Variants in PTGFRN observed in about 807,000 individuals in gnomAD.
PTGFRN encodes prostaglandin F2 receptor inhibitor, also known as prostaglandin F2 receptor negative regulator.
PTGFRN carries 35 observed loss-of-function variants against 83.2 expected under a neutral mutation model. The observed-to-expected ratio is 0.42, with a 90% confidence interval of 0.32 to 0.56. PTGFRN has a LOEUF of 0.56. Among genes scored for constraint, PTGFRN ranks in the 20% least tolerant of loss-of-function variants. The pLI is 0.11. For missense variants in PTGFRN, 1,051 were observed against 1,179.5 expected (o/e 0.89, Z 1.60); for synonymous variants, 519 against 498.6 (o/e 1.04, Z -0.55).
chr1:116,939,049 G>C (rs569309900), intron 1 of PTGFRN, among the ~76,000 whole-genome samples: 1 of 152,352 alleles, frequency 6.6e-6, no homozygotes, highest in East Asian at 1.9e-4. Context: ...CGCCCCTGAG[G>C]CTTTGCAGGG....
chr1:116,974,479 T>G (rs564165927), intron 7 of PTGFRN, 156 bp downstream of exon 7: 72 of 528,984 alleles, frequency 1.4e-4, no homozygotes, highest in African/African-American at 1.2e-3. Context: ...AAGTGTTTAA[T>G]AAATACATGT....
At chr1:116,950,525 G>A (rs1650316568) in intron 4 of PTGFRN, among the ~76,000 whole-genome samples, 1 of 152,112 alleles carries the variant, frequency 6.6e-6, no homozygotes, top group African/African-American at 2.4e-5. Flanking sequence ...ATCTTTAAAG[G>A]CCAGGAAACC....
chr1:116,914,371 T>C (rs910806285), intron 1 of PTGFRN, among the ~76,000 whole-genome samples: 6 of 152,248 alleles, frequency 3.9e-5, no homozygotes, highest in Non-Finnish European at 8.8e-5. Context: ...GGAAGCCATG[T>C]GCCAGCTACT....
intron 1 of PTGFRN, among the ~76,000 whole-genome samples, chr1:116,915,939 C>G (rs1042306494): frequency 3.9e-5 from 6 of 152,206 alleles, no homozygotes; most frequent in African/African-American, 1.4e-4. Flanking sequence ...CTGCAGTTGG[C>G]ACAGTCAGTG....
intron 1 of PTGFRN, among the ~76,000 whole-genome samples, chr1:116,937,034 G>T (rs1649938763): frequency 6.6e-6 from 1 of 152,232 alleles, no homozygotes; most frequent in African/African-American, 2.4e-5. Context: ...CCACTTTAGG[G>T]TGCTCAGGAA....
intron 5 of PTGFRN, 35 bp from the exon 6 acceptor site, chr1:116,966,876 G>A: frequency 6.5e-7 from 1 of 1,544,188 alleles, no homozygotes; most frequent in Non-Finnish European, 8.7e-7. Context: ...AACTGATCTT[G>A]TTGGAAATCA....
At chr1:116,984,182 C>T (rs889443671) in intron 7 of PTGFRN, among the ~76,000 whole-genome samples, 1 of 152,148 alleles carries the variant, frequency 6.6e-6, no homozygotes, top group Non-Finnish European at 1.5e-5. Flanking sequence ...AAATTTGGTG[C>T]AATTCATTTT....
chr1:116,910,315 G>A, intron 1 of PTGFRN, 63 bp downstream of exon 1: 1 of 1,249,560 alleles, frequency 8.0e-7, no homozygotes, highest in Non-Finnish European at 1.0e-6. Context: ...GGGCTCGGCG[G>A]GGCGCGGCTG....
At chr1:116,935,523 A>ATAG (rs1197090448) in intron 1 of PTGFRN, among the ~76,000 whole-genome samples, 1 of 152,048 alleles carries the variant, frequency 6.6e-6, no homozygotes, top group Non-Finnish European at 1.5e-5. Context: ...GATATTAGCT[A>ATAG]CTCTATGATA....
chr1:116,957,094 C>T (rs1650519981), intron 4 of PTGFRN, among the ~76,000 whole-genome samples: 1 of 142,996 alleles, frequency 7.0e-6, no homozygotes, highest in Non-Finnish European at 1.5e-5. Flanking sequence ...GTGTTTGGAA[C>T]AAGGTTTTAA....
chr1:116,911,075 A>C (rs552689501), intron 1 of PTGFRN, among the ~76,000 whole-genome samples: 2 of 133,434 alleles, frequency 1.5e-5, no homozygotes, highest in African/African-American at 2.9e-5. Flanking sequence ...TTTTCCATTC[A>C]CTCCATACAC....
rs113563805 is a variant in PTGFRN, at chr1:116,982,784, G to T, written c.2168-1896G>T. Among the ~76,000 whole-genome samples the T allele has an allele frequency of 5.1e-3, 776 of 152,316 alleles. 9 individuals are homozygous for T. The highest frequency in any genetic ancestry group is 0.018 in the African/African-American group (749 of 41,568). ...TCTGTCCCTTCACTAGTCAGTCATTGTCCACAGGCTGAGTGGCAAAGAAGC... is the reference window on the plus strand; with the variant it reads ...TCTGTCCCTTCACTAGTCAGTCATTTTCCACAGGCTGAGTGGCAAAGAAGC... On this transcript the variant is annotated intron_variant, in intron 7 of 8. Coordinates refer to ENST00000393203, the MANE Select transcript of PTGFRN (RefSeq NM_020440.4).
rs895194783 is a variant in PTGFRN at position 116,988,199 on chromosome 1, T to TC, written c.*1232_*1233insC. The TC allele has an allele frequency of 1.3e-5, 2 of 152,304 alleles. No homozygotes were observed. Among genetic ancestry groups the TC allele is most frequent in the African/African-American group, 4.8e-5 (2 of 41,560 alleles). The allele number at this position is 152,304 out of a possible 1,614,324, so 9.4% of individuals were successfully genotyped here. ...ACTGCAGGGGGTTAGTGAGAAAGGG[T>TC]ATACTTTGTGGTATGTTTTGCTTTC... On this transcript the variant is annotated 3_prime_UTR_variant, in exon 9 of 9. Transcript: ENST00000393203.
chr1:116,959,319 T>A (rs1056025810), intron 4 of PTGFRN, among the ~76,000 whole-genome samples: 1 of 152,196 alleles, frequency 6.6e-6, no homozygotes, highest in African/African-American at 2.4e-5. Flanking sequence ...CCACAGCCTG[T>A]GGATTTCTCT....
chr1:116,981,034 A>T (rs1017785003), intron 7 of PTGFRN, among the ~76,000 whole-genome samples: 1 of 152,200 alleles, frequency 6.6e-6, no homozygotes, highest in African/African-American at 2.4e-5. Context: ...GGAAATCATT[A>T]TAAATTTTTT....
At chr1:116,960,992 G>A (rs985380586) in intron 4 of PTGFRN, among the ~76,000 whole-genome samples, 4 of 152,138 alleles carry the variant, frequency 2.6e-5, no homozygotes, top group Middle Eastern at 3.2e-3. Context: ...GATTCTGGCC[G>A]AGGACATTGG....
chr1:116,942,904 A>G (rs1570656503), intron 2 of PTGFRN, among the ~76,000 whole-genome samples: 2 of 152,384 alleles, frequency 1.3e-5, no homozygotes, highest in Non-Finnish European at 2.9e-5. Flanking sequence ...GGAAGAGCAT[A>G]GGTTAATTAC....
At position 116,989,553 on chromosome 1, in the gene PTGFRN, T is replaced by C. The variant is rs541370051; in HGVS notation, c.*2586T>C. 1 of 152,702 alleles carries C rather than the reference T, an allele frequency of 6.5e-6. No individual in the cohort carries two copies. The highest frequency in any genetic ancestry group is 2.1e-4 in the South Asian group (1 of 4,824). The allele number at this position is 152,702 out of a possible 1,614,324, so 9.5% of individuals were successfully genotyped here. On this transcript the variant is annotated 3_prime_UTR_variant, in exon 9 of 9. Transcript: ENST00000393203. The stretch of plus-strand genomic sequence containing the variant: ...CCAGCCGCGTCTCACACAGGTGGAA[T>C]TGCACTTCTTAACAAAAAGGAACTT...
chr1:116,950,770 C>T (rs528992103), intron 4 of PTGFRN, among the ~76,000 whole-genome samples: 5 of 152,008 alleles, frequency 3.3e-5, no homozygotes, highest in Non-Finnish European at 5.9e-5. Flanking sequence ...CCGATGGAGA[C>T]GAGGCAGGGT....
Sources: gnomAD v4.1 joint callset for allele counts (sites outside exome capture counted in the v4.1 genomes callset) on GRCh38, gnomAD v4.1.1 for gene constraint, MANE v1.5 for transcripts, NCBI Gene and HGNC (gene_info 2026-07-23, HGNC 2026-07-21) for gene names.